PCDHGB2: variants seen among roughly 807,000 people sequenced by gnomAD.
PCDHGB2 encodes protocadherin gamma-B2.
In PCDHGB2, 55 loss-of-function variants were observed where a neutral mutation model predicts 59.3. The ratio of observed to expected loss-of-function variants is 0.93; its 90% CI spans 0.75 to 1.16. The LOEUF (loss-of-function observed/expected upper bound fraction) is 1.16. PCDHGB2 is among the 50% of genes most tolerant of loss of function. The pLI is 0.00. For synonymous variants in PCDHGB2, 516 were observed against 512.0 expected, an observed-to-expected ratio of 1.01 and a Z score of -0.11; for missense variants, 1,228 against 1,198.5, an observed-to-expected ratio of 1.02 and a Z score of -0.36.
Position 141,491,627 on chromosome 5 carries a change from A to C in PCDHGB2, c.2422-3180A>C. On this transcript the variant is annotated intron_variant, in intron 1 of 3. Transcript: ENST00000522605. The surrounding 1 kb of genome is among the most constrained non-coding windows in gnomAD (Gnocchi z 6.9). ...ACTTTTCTAAGACCCCTCAGCGTTC[A>C]GCAGCCCACAGCTCTGGCGCTGGAG... 6.2e-7 allele frequency: 1 copy of C among 1,613,924 alleles called. No homozygotes were observed. The highest frequency in any genetic ancestry group is 8.5e-7 in the Non-Finnish European group (1 of 1,180,026).
chr5:141,455,593 C>G (rs957677108), intron 1 of PCDHGB2, among the ~76,000 whole-genome samples: 19 of 152,068 alleles, frequency 1.2e-4, no homozygotes, highest in African/African-American at 4.6e-4. Context: ...AATATGCAAA[C>G]GTAGGGCGCC....
Position 141,360,837 on chromosome 5 carries a change from T to C in PCDHGB2, c.702T>C (p.Asp234=). ...CCCAAATCCGAATCAAAGTCACGGA[T>C]GCCAACGATAACCCTCCAGTGTTCA... The part of the protein sequence containing the change: ...GTTQIRIKVT[D]ANDNPPVFSQ... Residue 234 remains aspartate (D), a synonymous_variant, in exon 1 of 4, where the codon GAT becomes GAC. Coordinates refer to ENST00000522605, the MANE Select transcript of PCDHGB2 (RefSeq NM_018923.3). The C allele has an allele frequency of 6.2e-7, 1 of 1,613,970 alleles. No individual in the cohort carries two copies. Among genetic ancestry groups the C allele is most frequent in the African/African-American group, 1.3e-5 (1 of 75,040 alleles).
chr5:141,413,446 G>A, intron 1 of PCDHGB2: 1 of 1,614,130 alleles, frequency 6.2e-7, no homozygotes. Context: ...CTTGATCACC[G>A]CGGGCAGGAT....
intron 1 of PCDHGB2, among the ~76,000 whole-genome samples, chr5:141,481,647 A>G (rs749515062): frequency 1.6e-4 from 25 of 151,712 alleles, no homozygotes; most frequent in Non-Finnish European, 2.8e-4. Flanking sequence ...GTGAAACTTC[A>G]TCTCTACTAA....
chr5:141,421,403 A>G, intron 1 of PCDHGB2: 1 of 1,614,054 alleles, frequency 6.2e-7, no homozygotes, highest in Non-Finnish European at 8.5e-7. Context: ...GAGCCCCGGG[A>G]GCTGGCGAAG....
At chr5:141,467,097 G>A (rs912875702) in intron 1 of PCDHGB2, among the ~76,000 whole-genome samples, 1 of 150,152 alleles carries the variant, frequency 6.7e-6, no homozygotes, top group Non-Finnish European at 1.5e-5. Context: ...CTGTCACACA[G>A]GCTGGAGTAC....
rs1186240180 is a variant in PCDHGB2, at chr5:141,432,270, A to T, written c.2422-62537A>T. On this transcript the variant is annotated intron_variant, in intron 1 of 3. Transcript: ENST00000522605. The surrounding 1 kb of genome is among the most constrained non-coding windows in gnomAD (Gnocchi z 6.0). ...ATCCAAGGGGCAAGCCTATCGTCCT[A>T]CGTGTCCATCAACTCCGACACTGGG... 1 of 1,614,024 alleles carries T rather than the reference A, an allele frequency of 6.2e-7. No homozygotes were observed. The highest frequency in any genetic ancestry group is 8.5e-7 in the Non-Finnish European group (1 of 1,180,028).
intron 1 of PCDHGB2, chr5:141,390,162 A>G: frequency 6.2e-7 from 1 of 1,614,024 alleles, no homozygotes; most frequent in African/African-American, 1.3e-5. Context: ...TACAGGAAAG[A>G]CGGAGTTTAA....
At chr5:141,385,191 G>A (rs775228510) in intron 1 of PCDHGB2, 1 of 1,614,086 alleles carries the variant, frequency 6.2e-7, no homozygotes, top group African/African-American at 1.3e-5. Context: ...CGGACTCTCG[G>A]AAGAGTCACC....
At chr5:141,370,227 G>C (rs375551989) in intron 1 of PCDHGB2, 1 of 585,120 alleles carries the variant, frequency 1.7e-6, no homozygotes. Context: ...GCTGCAGCCA[G>C]CTCGGAAGAA....
intron 1 of PCDHGB2, chr5:141,395,935 A>T (rs950567838): frequency 6.6e-6 from 1 of 152,118 alleles, no homozygotes; most frequent in Non-Finnish European, 1.5e-5. Context: ...TAGAATGTCC[A>T]TTGCTCCCCC....
rs1208504589 is a variant in PCDHGB2, at chr5:141,431,631, T to C, written c.2422-63176T>C. On this transcript the variant is annotated intron_variant, in intron 1 of 3. Coordinates refer to ENST00000522605, the MANE Select transcript of PCDHGB2 (RefSeq NM_018923.3). The surrounding 1 kb of genome is among the most constrained non-coding windows in gnomAD (Gnocchi z 4.8). ...TATGTGGACGACAAGGCGGCCCAAG[T>C]TTTCAAACTAGATTGTAATTCAGGG... The C allele has an allele frequency of 6.2e-6, 10 of 1,614,132 alleles. No individual in the cohort carries two copies. Among genetic ancestry groups the C allele is most frequent in the Non-Finnish European group, 8.5e-6 (10 of 1,180,016 alleles).
chr5:141,397,273 T>C (rs1324330524), intron 1 of PCDHGB2, among the ~76,000 whole-genome samples: 5 of 152,184 alleles, frequency 3.3e-5, no homozygotes, highest in Non-Finnish European at 1.5e-5. Flanking sequence ...CTACATCATA[T>C]GGGCAGTATA....
chr5:141,361,539 C>G lies in PCDHGB2; in HGVS notation c.1404C>G (p.Gly468=), dbSNP rs754978831. Residue 468 remains glycine (G), a synonymous_variant, in exon 1 of 4, where the codon GGC becomes GGG. Transcript: ENST00000522605. ...MVHVAENNPP[G]ASIAQISASD... ...ACGTGGCAGAGAACAATCCTCCTGG[C>G]GCCTCTATCGCTCAAATCAGTGCCT... is the stretch of plus-strand genomic sequence containing the variant. The G allele has an allele frequency of 3.1e-6, 5 of 1,614,028 alleles. No homozygotes were observed. Among genetic ancestry groups the G allele is most frequent in the Non-Finnish European group, 4.2e-6 (5 of 1,179,902 alleles).
At chr5:141,398,977 A>G (rs761532339) in intron 1 of PCDHGB2, 2 of 1,613,952 alleles carry the variant, frequency 1.2e-6, no homozygotes, top group Non-Finnish European at 1.7e-6. Context: ...CTTCTACAGA[A>G]CCGGGCAAAT....
rs2154591305 is a variant in PCDHGB2, at chr5:141,493,879, G to A, written c.2422-928G>A. Among the ~76,000 whole-genome samples the A allele has an allele frequency of 6.6e-6, 1 of 152,288 alleles. No homozygotes were observed. The highest frequency in any genetic ancestry group is 6.5e-5 in the Admixed American group (1 of 15,302). ...CCCACCCCAGAACCAGTGAGGAGGT[G>A]GCTCTAGGAGTGCTCCATGAGAGTG... On this transcript the variant is annotated intron_variant, in intron 1 of 3. Coordinates refer to ENST00000522605, the MANE Select transcript of PCDHGB2 (RefSeq NM_018923.3). This position sits in a 1 kb window ranked among gnomAD's most constrained non-coding sequence, Gnocchi z 4.3.
chr5:141,497,032 T>C (rs1206131945), intron 2 of PCDHGB2, among the ~76,000 whole-genome samples: 1 of 151,652 alleles, frequency 6.6e-6, no homozygotes, highest in East Asian at 1.9e-4. Flanking sequence ...CGATTAAAAA[T>C]ACAAAAATTA....
intron 1 of PCDHGB2, chr5:141,392,630 C>T (rs1431794812): frequency 1.7e-6 from 1 of 602,802 alleles, no homozygotes; most frequent in African/African-American, 1.9e-5. Context: ...ACACTCAGAT[C>T]TCACACCTCA....
At chr5:141,390,611 C>A (rs1248320569) in intron 1 of PCDHGB2, 1 of 295,950 alleles carries the variant, frequency 3.4e-6, no homozygotes, top group Admixed American at 4.8e-5. Context: ...CATTTTCCTT[C>A]TTGTTGACTA....
Sources: allele counts gnomAD v4.1 joint callset (sites outside exome capture counted in the v4.1 genomes callset), GRCh38; gene constraint gnomAD v4.1.1; non-coding constraint Gnocchi (gnomAD v3.1); transcripts MANE v1.5; gene names NCBI Gene and HGNC (gene_info 2026-07-23, HGNC 2026-07-21).